DIAPH2: variants seen among roughly 807,000 people sequenced by gnomAD.
DIAPH2 encodes diaphanous related formin 2.
In DIAPH2, 35 loss-of-function variants were observed where a neutral mutation model predicts 92.7. The ratio of observed to expected loss-of-function variants is 0.38; its 90% confidence interval spans 0.29 to 0.50. DIAPH2 has a LOEUF of 0.50. Ranked by LOEUF, DIAPH2 falls within the 20% of genes least tolerant of loss-of-function variation. The pLI, the probability that DIAPH2 is intolerant of heterozygous loss-of-function variation, is 0.94. For missense variants in DIAPH2, 701 were observed against 819.5 expected, an observed-to-expected ratio of 0.86 and a Z score of 1.77; for synonymous variants, 301 against 280.4, an observed-to-expected ratio of 1.07 and a Z score of -0.73.
rs773663794 is a variant in DIAPH2, at chrX:97,247,777, C to T, written c.2782C>T (p.Arg928Cys). ...GGAACAACAAATTGTTCATCTGGAA[C>T]GTGACATCAAGAAATTCCCCCAAGC... ...SMEQQIVHLE[R>C]DIKKFPQAEN... is the part of the protein sequence containing the mutation. Residue 928 changes from arginine (R) to cysteine (C), a missense_variant, in exon 23 of 27, where the codon CGT becomes TGT. Physicochemically the swap from Arg to Cys is radical, Grantham distance 180. Coordinates refer to ENST00000324765, the MANE Select transcript of DIAPH2 (RefSeq NM_006729.5). The T allele has an allele frequency of 1.6e-5, 19 of 1,203,473 alleles. No individual in the cohort carries two copies. Among genetic ancestry groups the T allele is most frequent in the African/African-American group, 3.5e-5 (2 of 57,073 alleles).
chrX:97,356,702 T>C (rs1449243663), intron 24 of DIAPH2, among the ~76,000 whole-genome samples: 1 of 111,032 alleles, frequency 9.0e-6, no homozygotes, highest in East Asian at 2.8e-4. Flanking sequence ...TTTTTCCTTG[T>C]ATAGAAAAGC....
chrX:97,168,492 T>C (rs1178480583), intron 22 of DIAPH2, among the ~76,000 whole-genome samples: 1 of 111,647 alleles, frequency 9.0e-6, no homozygotes, highest in Non-Finnish European at 1.9e-5. Flanking sequence ...GTATTTTCTT[T>C]TATTCATTAA....
intron 22 of DIAPH2, among the ~76,000 whole-genome samples, chrX:97,221,580 G>A (rs184484398): frequency 2.3e-3 from 252 of 111,940 alleles, no homozygotes; most frequent in Admixed American, 5.3e-3. Flanking sequence ...GTTGCGGTTT[G>A]TCTCTGTAGA....
intron 23 of DIAPH2, among the ~76,000 whole-genome samples, chrX:97,299,483 G>C (rs1452064137): frequency 9.0e-6 from 1 of 111,550 alleles, no homozygotes; most frequent in Admixed American, 9.6e-5. Context: ...AAAATAGGAA[G>C]ACCTCAATCA....
At chrX:97,130,880 G>A (rs1321396923) in intron 21 of DIAPH2, among the ~76,000 whole-genome samples, 1 of 110,802 alleles carries the variant, frequency 9.0e-6, no homozygotes, top group East Asian at 2.8e-4. Context: ...CGAGGTGGGC[G>A]AATCACTTGA....
At chrX:97,161,205 T>C (rs1483365438) in intron 22 of DIAPH2, among the ~76,000 whole-genome samples, 2 of 110,016 alleles carry the variant, frequency 1.8e-5, no homozygotes, top group Non-Finnish European at 3.8e-5. Flanking sequence ...GTATGTGATT[T>C]TAGGGAAGGT....
chrX:97,331,556 T>G (rs1041580548), intron 23 of DIAPH2, among the ~76,000 whole-genome samples: 7 of 112,296 alleles, frequency 6.2e-5, no homozygotes, highest in Admixed American at 2.9e-4. Context: ...CAAAAAAATT[T>G]TTGTTGCAAA....
chrX:97,297,793 TTA>T (rs1283180064), intron 23 of DIAPH2, among the ~76,000 whole-genome samples: 1 of 110,419 alleles, frequency 9.1e-6, no homozygotes, highest in Non-Finnish European at 1.9e-5. Flanking sequence ...CAGGTGGAAT[TTA>T]TAGAGTTCTT....
intron 4 of DIAPH2, among the ~76,000 whole-genome samples, chrX:96,847,994 A>G (rs963959535): frequency 4.5e-5 from 5 of 111,437 alleles, no homozygotes; most frequent in Admixed American, 1.9e-4. Context: ...TTATTGGTAT[A>G]CTGACTAGGT....
At chrX:97,130,535 T>C (rs564234890) in intron 21 of DIAPH2, among the ~76,000 whole-genome samples, 2 of 112,072 alleles carry the variant, frequency 1.8e-5, no homozygotes, top group African/African-American at 6.5e-5. Context: ...ATTCCACTTA[T>C]ATGAGGTACC....
At chrX:97,425,389 A>G (rs1358089382) in intron 25 of DIAPH2, among the ~76,000 whole-genome samples, 3 of 111,956 alleles carry the variant, frequency 2.7e-5, no homozygotes, top group African/African-American at 9.7e-5. Flanking sequence ...TGTATTCAAA[A>G]ATTGCTCAGA....
chrX:97,273,109 C>G (rs1388444756), intron 23 of DIAPH2, among the ~76,000 whole-genome samples: 2 of 111,810 alleles, frequency 1.8e-5, no homozygotes, highest in African/African-American at 6.5e-5. Flanking sequence ...GAGCCAAGAT[C>G]GTGCCATTGC....
chrX:97,382,571 A>T (rs1244727256), intron 24 of DIAPH2, among the ~76,000 whole-genome samples: 6 of 112,044 alleles, frequency 5.4e-5, no homozygotes, highest in African/African-American at 1.9e-4. Flanking sequence ...CCCTGCTTTA[A>T]AATTATGATT....
chrX:97,242,455 C>T (rs1174066095), intron 22 of DIAPH2, among the ~76,000 whole-genome samples: 1 of 110,107 alleles, frequency 9.1e-6, no homozygotes, highest in East Asian at 2.9e-4. Flanking sequence ...CCTCTGTCTC[C>T]CAAGTTCAAG....
At chrX:97,209,120 A>G (rs1436750745) in intron 22 of DIAPH2, among the ~76,000 whole-genome samples, 1 of 110,397 alleles carries the variant, frequency 9.1e-6, no homozygotes, top group Non-Finnish European at 1.9e-5. Context: ...ATAACTTAAC[A>G]TTTTCTGTCT....
chrX:97,106,456 A>G (rs1198681096), intron 20 of DIAPH2, among the ~76,000 whole-genome samples: 2 of 111,967 alleles, frequency 1.8e-5, no homozygotes, highest in African/African-American at 6.5e-5. Flanking sequence ...TCTTATTTCC[A>G]TCAGCTTTTG....
At position 96,818,374 on chromosome X, in the gene DIAPH2, C is replaced by CAACCTCTTTTGGGGTTACCCAGG. The variant is rs1250619907; in HGVS notation, c.447+60133_447+60155dup. On this transcript the variant is annotated intron_variant, in intron 4 of 26. Transcript: ENST00000324765. Reference sequence around the variant, plus strand: ...CATTAATGGCAAAACCATTACCCAGCAACCTCTTTTGGGGTTACCCAGGAA... The same window carrying CAACCTCTTTTGGGGTTACCCAGG: ...CATTAATGGCAAAACCATTACCCAGCAACCTCTTTTGGGGTTACCCAGGAACCTCTTTTGGGGTTACCCAGGAA... Among the ~76,000 whole-genome samples the CAACCTCTTTTGGGGTTACCCAGG allele has an allele frequency of 2.7e-5, 3 of 111,141 alleles. No homozygotes were observed. The East Asian group carries it at 8.6e-4, about 32-fold the overall frequency.
At chrX:97,263,675 C>T (rs1053621967) in intron 23 of DIAPH2, among the ~76,000 whole-genome samples, 10 of 109,272 alleles carry the variant, frequency 9.2e-5, no homozygotes, top group Admixed American at 6.9e-4. Context: ...CAACCTCCGC[C>T]TCCTGGGCTA....
At chrX:96,875,154 G>C (rs964717633) in intron 4 of DIAPH2, among the ~76,000 whole-genome samples, 1 of 112,208 alleles carries the variant, frequency 8.9e-6, no homozygotes, top group Non-Finnish European at 1.9e-5. Flanking sequence ...GTTTCAACTT[G>C]AGTCTTGTCC....
Sources: allele counts gnomAD v4.1 joint callset (sites outside exome capture counted in the v4.1 genomes callset), GRCh38; gene constraint gnomAD v4.1.1; transcripts MANE v1.5; gene names NCBI Gene and HGNC (gene_info 2026-07-23, HGNC 2026-07-21).